The following CNTN4 variants were observed in gnomAD, a reference collection of about 807,000 sequenced individuals.
The protein encoded by CNTN4 is contactin-4.
Under a neutral mutation model 122.5 loss-of-function variants are expected in CNTN4, and 77 were observed. The observed-to-expected ratio is 0.63, with a 90% CI of 0.52 to 0.76. The LOEUF (loss-of-function observed/expected upper bound fraction) is 0.76, where lower values mean the gene tolerates loss of function less well. Among genes scored for constraint, CNTN4 ranks in the 30% least tolerant of loss-of-function variants. CNTN4 has a pLI of 0.00. For missense variants in CNTN4, 1,256 were observed against 1,259.1 expected (o/e 1.00, Z 0.04); for synonymous variants, 512 against 447.0 (o/e 1.15, Z -1.83).
intron 7 of CNTN4, among the ~76,000 whole-genome samples, chr3:2,842,074 G>A (rs181590858): frequency 1.3e-5 from 2 of 152,012 alleles, no homozygotes; most frequent in African/African-American, 2.4e-5. Flanking sequence ...AATGAGCATT[G>A]TTGAAGCCAT....
chr3:2,368,125 T>C (rs1370668023), intron 3 of CNTN4, among the ~76,000 whole-genome samples: 52 of 148,292 alleles, frequency 3.5e-4, no homozygotes, highest in African/African-American at 1.0e-3. Flanking sequence ...CTCTGCCTCC[T>C]GGGTTCATGC....
chr3:2,240,250 T>C (rs936920648), intron 2 of CNTN4, among the ~76,000 whole-genome samples: 3 of 152,214 alleles, frequency 2.0e-5, no homozygotes, highest in Admixed American at 2.0e-4. Context: ...TGGGGTTAGA[T>C]ATTCATTTGA....
intron 13 of CNTN4, among the ~76,000 whole-genome samples, chr3:2,946,650 G>A (rs954829150): frequency 6.6e-6 from 1 of 150,982 alleles, no homozygotes; most frequent in East Asian, 1.9e-4. Context: ...TCCAGACTTC[G>A]GACATCTCTT....
chr3:3,010,465 TA>T (rs5846237), intron 14 of CNTN4, among the ~76,000 whole-genome samples: 10,005 of 147,014 alleles, frequency 0.068, 457 homozygotes, highest in African/African-American at 0.12. Flanking sequence ...CTTATGCCAT[TA>T]AAAAAAAAAA....
At chr3:2,609,539 T>C (rs2081394052) in intron 4 of CNTN4, among the ~76,000 whole-genome samples, 1 of 152,234 alleles carries the variant, frequency 6.6e-6, no homozygotes, top group Admixed American at 6.5e-5. Flanking sequence ...ATGAAACAAC[T>C]ATTTGTACTT....
chr3:3,048,194 G>C (rs942629778), intron 23 of CNTN4, among the ~76,000 whole-genome samples: 1 of 151,750 alleles, frequency 6.6e-6, no homozygotes, highest in Admixed American at 6.6e-5. Flanking sequence ...GGTATCCACA[G>C]GTTCCATACT....
chr3:2,240,009 A>G (rs1009918336), intron 2 of CNTN4, among the ~76,000 whole-genome samples: 7 of 152,234 alleles, frequency 4.6e-5, no homozygotes, highest in Admixed American at 3.9e-4. Flanking sequence ...ACTGAAGAGC[A>G]TTAAAATATC....
chr3:2,826,150 A>G (rs1419634918), intron 7 of CNTN4, among the ~76,000 whole-genome samples: 1 of 152,150 alleles, frequency 6.6e-6, no homozygotes, highest in East Asian at 1.9e-4. Flanking sequence ...GCGCCCTTTT[A>G]TTTGTATATA....
At chr3:2,475,580 G>A (rs2075813899) in intron 3 of CNTN4, among the ~76,000 whole-genome samples, 1 of 152,144 alleles carries the variant, frequency 6.6e-6, no homozygotes, top group Non-Finnish European at 1.5e-5. Flanking sequence ...AAATCTTCCT[G>A]TATACATTCC....
At chr3:2,553,108 T>C (rs1291289679) in intron 3 of CNTN4, among the ~76,000 whole-genome samples, 1 of 152,182 alleles carries the variant, frequency 6.6e-6, no homozygotes, top group Non-Finnish European at 1.5e-5. Context: ...ATCACCAGGT[T>C]ATTGATTAAA....
At chr3:2,099,517 CCCGTAG>C (rs2125069730) in intron 1 of CNTN4, 1 of 152,878 alleles carries the variant, frequency 6.5e-6, no homozygotes, top group East Asian at 1.9e-4. Context: ...GGAACAGGAG[CCCGTAG>C]CCGTGGTGGA....
rs181710158 is a variant in CNTN4, at chr3:3,030,893, A to C, written c.1701A>C (p.Gln567His). The change falls in exon 16 of 25, where the codon CAA becomes CAC. Residue 567 changes from glutamine to histidine, a missense_variant. By Grantham distance (24) the Gln-to-His change is conservative. Coordinates refer to ENST00000418658, the MANE Select transcript of CNTN4 (RefSeq NM_175607.3). ...GTGATTTGATGATCCGAAACATCCA[A>C]CTGAAGCATGCTGGGAAATATGTCT... ...SAGDLMIRNI[Q>H]LKHAGKYVCM... 1.9e-4 allele frequency: 307 copies of C among 1,614,068 alleles called. No homozygotes were observed. The East Asian group carries it at 5.2e-3, about 28-fold the overall frequency.
At chr3:2,994,556 A>G (rs376391122) in intron 14 of CNTN4, among the ~76,000 whole-genome samples, 6 of 150,346 alleles carry the variant, frequency 4.0e-5, no homozygotes, top group East Asian at 1.9e-4. Context: ...TGTTCACCCC[A>G]TAGAAAGTTT....
intron 2 of CNTN4, among the ~76,000 whole-genome samples, chr3:2,124,316 A>G (rs2033988272): frequency 6.6e-6 from 1 of 152,150 alleles, no homozygotes; most frequent in Non-Finnish European, 1.5e-5. Context: ...AGGTCAACTC[A>G]GTATGTTATT....
At chr3:2,129,265 A>C (rs1288307137) in intron 2 of CNTN4, among the ~76,000 whole-genome samples, 2 of 81,698 alleles carry the variant, frequency 2.4e-5, no homozygotes, top group African/African-American at 5.0e-5. Flanking sequence ...CCAAACCTGC[A>C]AAAAAAAAAA....
chr3:2,712,551 G>A lies in CNTN4; in HGVS notation c.56-23664G>A, dbSNP rs146430969. On this transcript the variant is annotated intron_variant, in intron 4 of 24. Coordinates refer to ENST00000418658, the MANE Select transcript of CNTN4 (RefSeq NM_175607.3). Reference sequence around the variant, plus strand: ...GAATACTGAAGCCTACAGAAATGAAGACCTAAATAAACAGGGTGTAATGTT... The same window carrying A: ...GAATACTGAAGCCTACAGAAATGAAAACCTAAATAAACAGGGTGTAATGTT... Among the ~76,000 whole-genome samples, 519 of 152,282 alleles carry A rather than the reference G, an allele frequency of 3.4e-3. 7 individuals are homozygous for A. Among genetic ancestry groups the A allele is most frequent in the African/African-American group, 0.012 (483 of 41,570 alleles).
chr3:2,488,318 A>G (rs2076221354), intron 3 of CNTN4, among the ~76,000 whole-genome samples: 1 of 152,158 alleles, frequency 6.6e-6, no homozygotes, highest in South Asian at 2.1e-4. Context: ...AGCTGGAGCC[A>G]TTGTCTGTAT....
chr3:2,474,993 A>G (rs139576503), intron 3 of CNTN4, among the ~76,000 whole-genome samples: 18 of 152,334 alleles, frequency 1.2e-4, no homozygotes, highest in Middle Eastern at 6.8e-3. Flanking sequence ...AATGCATTCA[A>G]TATTTTCATG....
intron 2 of CNTN4, among the ~76,000 whole-genome samples, chr3:2,172,304 G>A (rs1414832494): frequency 3.9e-5 from 6 of 152,088 alleles, no homozygotes. Flanking sequence ...CTCAGAAATG[G>A]AAAACCAAAC....
Sources: allele counts gnomAD v4.1 joint callset (sites outside exome capture counted in the v4.1 genomes callset), GRCh38; gene constraint gnomAD v4.1.1; transcripts MANE v1.5; gene names NCBI Gene and HGNC (gene_info 2026-07-23, HGNC 2026-07-21).